The following TPM1 variants were observed in gnomAD, a reference collection of about 807,000 sequenced individuals.
TPM1 encodes the protein tropomyosin 1.
TPM1 carries 24 observed loss-of-function variants against 42.9 expected under a neutral mutation model. The observed-to-expected ratio is 0.56, with a 90% confidence interval of 0.41 to 0.79. The LOEUF is 0.79. Among genes scored for constraint, TPM1 ranks in the 30% least tolerant of loss-of-function variants. The pLI is 0.00. For synonymous variants in TPM1, 136 were observed against 130.1 expected (o/e 1.05, Z -0.31); for missense variants, 158 against 351.8 (o/e 0.45, Z 4.41).
In TPM1 at chr15:63,062,286, A is replaced by G. The variant is rs1287407281; in HGVS notation, c.702+9A>G. 1.9e-6 allele frequency: 3 copies of G among 1,613,676 alleles called. No homozygotes were observed. The highest frequency in any genetic ancestry group is 1.7e-5 in the Admixed American group (1 of 60,022). ...CCGACAAGCTGAAGGAGGTAATATGAGAGTTGTGGATGAAGCCAACTGGAT... is the reference window on the plus strand; with the variant it reads ...CCGACAAGCTGAAGGAGGTAATATGGGAGTTGTGGATGAAGCCAACTGGAT... On this transcript the variant is annotated intron_variant, in intron 7 of 9. Coordinates refer to ENST00000403994, the MANE Select transcript of TPM1 (RefSeq NM_001018005.2).
chr15:63,042,790 C>A lies in TPM1; in HGVS notation c.-40C>A. The A allele has an allele frequency of 6.4e-7, 1 of 1,570,876 alleles. No individual in the cohort carries two copies. The highest frequency in any genetic ancestry group is 8.7e-7 in the Non-Finnish European group (1 of 1,144,816). ...CCGCCCGACCGCGCGCTCGCCCCGC[C>A]GCTCCTGCTGCAGCCCCAGGGCCCC... On this transcript the variant is annotated 5_prime_UTR_variant, in exon 1 of 10. Transcript: ENST00000403994.
At chr15:63,058,913 G>C (rs1023820166) in intron 3 of TPM1, among the ~76,000 whole-genome samples, 2 of 152,156 alleles carry the variant, frequency 1.3e-5, no homozygotes, top group African/African-American at 4.8e-5. Context: ...GTAGAGGACA[G>C]TGTCAGGCCT....
intron 1 of TPM1, chr15:63,043,574 T>C (rs577390776): frequency 7.1e-7 from 1 of 1,402,236 alleles, no homozygotes; most frequent in Non-Finnish European, 9.7e-7. Flanking sequence ...GGAAGTTACC[T>C]CGGGTCCTTT....
In TPM1 at chr15:63,061,788, G is replaced by C; in HGVS notation, c.639G>C (p.Lys213Asn). The C allele has an allele frequency of 6.2e-7, 1 of 1,614,088 alleles. No homozygotes were observed. The highest frequency in any genetic ancestry group is 8.5e-7 in the Non-Finnish European group (1 of 1,179,974). ...NLKSLEAQAEKYSQKEDRYEE... is the reference protein window; with the variant it reads ...NLKSLEAQAENYSQKEDRYEE... ...AGTCACTGGAGGCTCAGGCTGAGAA[G>C]GTAGGCCAGGAGGATGGTGTGGGGG... Residue 213 changes from lysine (K) to asparagine (N), a missense_variant and splice_region_variant, in exon 6 of 10, where the codon AAG becomes AAC. This residue lies in a region of TPM1 where 64 missense variants were observed against 95.8 expected (regional missense o/e 0.67). Coordinates refer to ENST00000403994, the MANE Select transcript of TPM1 (RefSeq NM_001018005.2).
chr15:63,064,175 C>T lies in TPM1; in HGVS notation c.851+33C>T, dbSNP rs376843038. 197 of 1,606,748 alleles carry T rather than the reference C, an allele frequency of 1.2e-4. 1 individual carries two copies. Among genetic ancestry groups the T allele is most frequent in the Admixed American group, 7.3e-4 (43 of 58,992 alleles). On this transcript the variant is annotated intron_variant, in intron 9 of 9. Transcript: ENST00000403994. ...TTCATCCACTCTGCCTGCTTACACCCTGCCCTCATGCTAATGTAATAAACT... is the reference window on the plus strand; with the variant it reads ...TTCATCCACTCTGCCTGCTTACACCTTGCCCTCATGCTAATGTAATAAACT...
chr15:63,057,157 T>G (rs750944701), intron 3 of TPM1, 39 bp downstream of exon 3: 8 of 1,612,890 alleles, frequency 5.0e-6, no homozygotes, highest in Non-Finnish European at 6.8e-6. Context: ...CAGCTGCCTT[T>G]CCTGGTGGAA....
intron 2 of TPM1, among the ~76,000 whole-genome samples, chr15:63,049,756 G>T (rs912418747): frequency 1.1e-4 from 16 of 152,172 alleles, no homozygotes; most frequent in Admixed American, 2.0e-4. Flanking sequence ...CTCAACTAGA[G>T]AAAGTTTCAG....
intron 3 of TPM1, among the ~76,000 whole-genome samples, chr15:63,058,959 A>T (rs1221253400): frequency 6.6e-6 from 1 of 152,232 alleles, no homozygotes; most frequent in Non-Finnish European, 1.5e-5. Flanking sequence ...GGGTTCCATT[A>T]TAGGTAAAAC....
Position 63,042,959 on chromosome 15 carries a change from G to A in TPM1, c.114+16G>A. 1 of 1,576,604 alleles carries A rather than the reference G, an allele frequency of 6.3e-7. No individual in the cohort carries two copies. Among genetic ancestry groups the A allele is most frequent in the South Asian group, 1.2e-5 (1 of 86,872 alleles). ...GAGCAAGCAGGTCTGCGCCTCCCCG[G>A]CCCTGCGCCCGCGCCCAGAGCGCCG... On this transcript the variant is annotated intron_variant, in intron 1 of 9. Transcript: ENST00000403994.
downstream of TPM1, chr15:63,071,044 T>A (rs1187956544): frequency 6.2e-7 from 1 of 1,612,544 alleles, no homozygotes; most frequent in Non-Finnish European, 8.5e-7. Context: ...CACCATTGTG[T>A]CCAAAGCACA....
intron 2 of TPM1, among the ~76,000 whole-genome samples, chr15:63,051,268 T>C (rs913948910): frequency 2.0e-5 from 3 of 152,208 alleles, no homozygotes; most frequent in African/African-American, 7.2e-5. Context: ...CCCAGCACTT[T>C]CCCTCTTTAC....
intron 4 of TPM1, among the ~76,000 whole-genome samples, 173 bp from the exon 5 acceptor site, chr15:63,060,696 C>T (rs1232355174): frequency 6.6e-6 from 1 of 152,230 alleles, no homozygotes; most frequent in Non-Finnish European, 1.5e-5. Flanking sequence ...GATCTCCTCT[C>T]TGCTGGCACT....
chr15:63,044,914 A>G (rs1596305982), intron 2 of TPM1: 1 of 152,198 alleles, frequency 6.6e-6, no homozygotes. Flanking sequence ...GGTGATGCAC[A>G]CAGCTAAGGC....
chr15:63,046,028 G>A (rs554141637), intron 2 of TPM1: 1 of 152,302 alleles, frequency 6.6e-6, no homozygotes, highest in South Asian at 2.1e-4. Flanking sequence ...GGGGGATAAG[G>A]TCTGAGACAT....
chr15:63,068,446 A>G (rs1379107650), downstream of TPM1, among the ~76,000 whole-genome samples: 1 of 152,226 alleles, frequency 6.6e-6, no homozygotes, highest in Non-Finnish European at 1.5e-5. Flanking sequence ...GAGAAAACAT[A>G]ACGAGCATAG....
chr15:63,070,480 T>C, downstream of TPM1: 1 of 995,072 alleles, frequency 1.0e-6, no homozygotes, highest in Non-Finnish European at 1.2e-6. Flanking sequence ...TATGCTTTAC[T>C]CAGTCTAATG....
chr15:63,061,660 C>T (rs990230343), intron 5 of TPM1, 53 bp from the exon 6 acceptor site: 25 of 1,548,602 alleles, frequency 1.6e-5, no homozygotes, highest in Non-Finnish European at 2.1e-5. Context: ...TTTTTCTCTC[C>T]TCCTTCCTTT....
intron 9 of TPM1, chr15:63,065,259 T>G: frequency 1.0e-6 from 1 of 987,414 alleles, no homozygotes; most frequent in Non-Finnish European, 1.2e-6. Flanking sequence ...TTAAACTTTT[T>G]CTACTACTTT....
At chr15:63,053,973 C>A (rs145931186) in intron 2 of TPM1, among the ~76,000 whole-genome samples, 139 of 152,058 alleles carry the variant, frequency 9.1e-4, no homozygotes, top group African/African-American at 3.3e-3. Flanking sequence ...GCCACAGCGC[C>A]CAGCTGAAAG....
Sources: allele counts gnomAD v4.1 joint callset (sites outside exome capture counted in the v4.1 genomes callset), GRCh38; gene constraint gnomAD v4.1.1; regional missense constraint gnomAD v4.1.1; transcripts MANE v1.5; gene names NCBI Gene and HGNC (gene_info 2026-07-23, HGNC 2026-07-21).